The following ASRGL1 variants were observed in gnomAD, a reference collection of about 807,000 sequenced individuals.
ASRGL1 encodes the protein isoaspartyl peptidase/L-asparaginase.
In ASRGL1, 16 loss-of-function variants were observed where a neutral mutation model predicts 22.4. The observed-to-expected ratio is 0.71, with a 90% confidence interval of 0.48 to 1.08. The LOEUF (loss-of-function observed/expected upper bound fraction) is 1.08, where lower values mean the gene tolerates loss of function less well. Among genes scored for constraint, ASRGL1 ranks in the 50% least tolerant of loss-of-function variants. The probability of loss-of-function intolerance (pLI) is 0.00; values close to 1 mark genes in which losing one functional copy is unlikely to be tolerated. For synonymous variants in ASRGL1, 165 were observed against 159.3 expected, an observed-to-expected ratio of 1.04 and a Z score of -0.27; for missense variants, 412 against 410.1, an observed-to-expected ratio of 1.00 and a Z score of -0.04.
intron 2 of ASRGL1, 74 bp downstream of exon 2, chr11:62,338,241 T>C (rs1945776049): frequency 2.9e-6 from 4 of 1,374,710 alleles, no homozygotes; most frequent in Middle Eastern, 1.9e-4. Context: ...AGAACCTACA[T>C]AGTGTTAGGG....
intron 4 of ASRGL1, among the ~76,000 whole-genome samples, chr11:62,386,390 T>C (rs1267202949): frequency 6.6e-6 from 1 of 151,794 alleles, no homozygotes; most frequent in African/African-American, 2.4e-5. Flanking sequence ...ATAATTGTAT[T>C]ATTTTATTAT....
rs867039702 is a variant in ASRGL1 at position 62,362,156 on chromosome 11, G to T, written c.491+5012G>T. On this transcript the variant is annotated intron_variant, in intron 4 of 6. Transcript: ENST00000415229. Reference sequence around the variant, plus strand: ...GCATGACCTCCACTGTGCCACTAATGGTAGTGCTTTGGAACAATAGAGGGA... The same window carrying T: ...GCATGACCTCCACTGTGCCACTAATTGTAGTGCTTTGGAACAATAGAGGGA... Among the ~76,000 whole-genome samples, 3 of 152,002 alleles carry T rather than the reference G, an allele frequency of 2.0e-5. No individual in the cohort carries two copies. The South Asian group carries it at 6.2e-4, about 32-fold the overall frequency.
chr11:62,367,929 G>A lies in ASRGL1; in HGVS notation c.491+10785G>A, dbSNP rs146307492. 4.5e-3 allele frequency among the ~76,000 whole-genome samples: 683 copies of A among 152,278 alleles called. 11 individuals are homozygous for A. The highest frequency in any genetic ancestry group is 0.016 in the African/African-American group (653 of 41,546). ...TGCACTCCAGCCTGGGCAACAGAGC[G>A]AGACTCCGTCTCAAAAATAAACAAA... On this transcript the variant is annotated intron_variant, in intron 4 of 6. Coordinates refer to ENST00000415229, the MANE Select transcript of ASRGL1 (RefSeq NM_001083926.2).
At chr11:62,372,960 A>C (rs1463756347) in intron 4 of ASRGL1, 1 of 1,475,294 alleles carries the variant, frequency 6.8e-7, no homozygotes, top group Non-Finnish European at 9.5e-7. Context: ...GAGCACCATC[A>C]GCTGGGGCCC....
chr11:62,356,930 TA>T (rs1946311211), intron 3 of ASRGL1, 56 bp from the exon 4 acceptor site: 1 of 1,539,672 alleles, frequency 6.5e-7, no homozygotes, highest in Non-Finnish European at 8.8e-7. Flanking sequence ...TTGGAACAGT[TA>T]AAAAGATTTA....
downstream of ASRGL1, among the ~76,000 whole-genome samples, chr11:62,396,178 G>A (rs1474867219): frequency 6.6e-6 from 1 of 151,718 alleles, no homozygotes; most frequent in Non-Finnish European, 1.5e-5. Context: ...ACCCAGAGAG[G>A]AATGGGGATG....
intron 4 of ASRGL1, among the ~76,000 whole-genome samples, chr11:62,387,024 C>G (rs1947229916): frequency 6.6e-6 from 1 of 151,418 alleles, no homozygotes; most frequent in East Asian, 1.9e-4. Context: ...TCCCAAATAG[C>G]TGGGATTACA....
intron 3 of ASRGL1, 92 bp downstream of exon 3, chr11:62,356,559 A>G (rs1946302547): frequency 1.4e-6 from 2 of 1,414,638 alleles, no homozygotes; most frequent in Admixed American, 4.6e-5. Context: ...ACTTGAGATC[A>G]CTGTTCTCCT....
chr11:62,357,604 AG>A (rs1180275987), intron 4 of ASRGL1, among the ~76,000 whole-genome samples: 4 of 151,870 alleles, frequency 2.6e-5, no homozygotes, highest in African/African-American at 4.8e-5. Context: ...TTAATGTATC[AG>A]TTATCTGGAT....
downstream of ASRGL1, among the ~76,000 whole-genome samples, chr11:62,395,391 C>T (rs543300483): frequency 6.6e-6 from 1 of 152,198 alleles, no homozygotes; most frequent in South Asian, 2.1e-4. Flanking sequence ...GGGCCCTGAG[C>T]CAAGGCCAAG....
downstream of ASRGL1, among the ~76,000 whole-genome samples, chr11:62,394,123 ATT>A (rs1394826572): frequency 2.4e-4 from 33 of 136,790 alleles, no homozygotes; most frequent in Admixed American, 2.5e-3. Flanking sequence ...TTACATATAT[ATT>A]ATATATAATA....
intron 6 of ASRGL1, 97 bp downstream of exon 6, chr11:62,391,729 C>T: frequency 1.4e-6 from 2 of 1,419,376 alleles, no homozygotes; most frequent in Middle Eastern, 2.1e-4. Flanking sequence ...GAAACCCTTT[C>T]CTGTTGGCTA....
downstream of ASRGL1, among the ~76,000 whole-genome samples, chr11:62,395,591 G>T (rs1042266847): frequency 2.0e-5 from 3 of 151,948 alleles, no homozygotes; most frequent in Admixed American, 6.6e-5. Flanking sequence ...GAAGGAGTGG[G>T]GCACACGTTA....
chr11:62,340,831 CTGTT>C (rs780634558), intron 2 of ASRGL1, among the ~76,000 whole-genome samples: 3 of 152,182 alleles, frequency 2.0e-5, no homozygotes, highest in Non-Finnish European at 4.4e-5. Flanking sequence ...GAATAAATAA[CTGTT>C]TGGGAACTTC....
chr11:62,368,689 C>T (rs370085684), intron 4 of ASRGL1, among the ~76,000 whole-genome samples: 3 of 152,020 alleles, frequency 2.0e-5, no homozygotes, highest in Non-Finnish European at 4.4e-5. Context: ...TCTGCCATCT[C>T]GGAGAGGGGG....
At chr11:62,397,416 A>G (rs2134715336), downstream of ASRGL1, among the ~76,000 whole-genome samples, 1 of 152,232 alleles carries the variant, frequency 6.6e-6, no homozygotes, top group South Asian at 2.1e-4. Flanking sequence ...TTGTAATCCC[A>G]GCACTTTGGG....
chr11:62,353,361 A>G (rs1007604671), intron 2 of ASRGL1, among the ~76,000 whole-genome samples: 2 of 142,794 alleles, frequency 1.4e-5, no homozygotes, highest in African/African-American at 5.1e-5. Context: ...TTTTTTTTTA[A>G]AGGGACAGGG....
In ASRGL1 at chr11:62,349,268, T is replaced by A. The variant is rs111587532; in HGVS notation, c.191-7057T>A. ...CGGCATGAGCCACCGTGCCCAGCCT[T>A]GATGAACTTTCATTCACTTTACAAA... is the stretch of plus-strand genomic sequence containing the variant. On this transcript the variant is annotated intron_variant, in intron 2 of 6. Coordinates refer to ENST00000415229, the MANE Select transcript of ASRGL1 (RefSeq NM_001083926.2). Among the ~76,000 whole-genome samples the A allele has an allele frequency of 9.7e-3, 1,479 of 152,312 alleles. 29 individuals carry two copies. Among genetic ancestry groups the A allele is most frequent in the African/African-American group, 0.031 (1,288 of 41,576 alleles).
chr11:62,372,138 G>GA (rs2134658757), intron 4 of ASRGL1: 1 of 853,196 alleles, frequency 1.2e-6, no homozygotes, highest in East Asian at 2.4e-5. Context: ...AGCTGGGGTC[G>GA]AAATGAGAAG....
Sources: gnomAD v4.1 joint callset for allele counts (sites outside exome capture counted in the v4.1 genomes callset) on GRCh38, gnomAD v4.1.1 for gene constraint, MANE v1.5 for transcripts, NCBI Gene and HGNC (gene_info 2026-07-23, HGNC 2026-07-21) for gene names.